Variants in FREM1 observed in about 807,000 individuals in gnomAD.
FREM1 encodes the protein FRAS1-related extracellular matrix protein 1.
In FREM1, 220 loss-of-function variants were observed where a neutral mutation model predicts 210.1. The observed-to-expected ratio is 1.05, with a 90% CI of 0.94 to 1.17. The LOEUF is 1.17. Ranked by LOEUF, FREM1 falls within the 50% of genes most tolerant of loss-of-function variation. The pLI is 0.00. For missense variants in FREM1, 3,454 were observed against 2,675.5 expected, an observed-to-expected ratio of 1.29 and a Z score of -6.42; for synonymous variants, 1,189 against 980.2, an observed-to-expected ratio of 1.21 and a Z score of -3.98.
At chr9:14,842,107 G>A (rs1401795096) in intron 9 of FREM1, among the ~76,000 whole-genome samples, 1 of 152,126 alleles carries the variant, frequency 6.6e-6, no homozygotes, top group Non-Finnish European at 1.5e-5. Flanking sequence ...ATCTGTAGAT[G>A]CACAACCTTG....
chr9:14,808,008 G>A lies in FREM1; in HGVS notation c.3020C>T (p.Ser1007Phe). The change falls in exon 17 of 37, where the codon TCC becomes TTC. Residue 1007 changes from serine (S) to phenylalanine (F), a missense_variant. By Grantham distance (155) the Ser-to-Phe change is radical. Coordinates refer to ENST00000380880, the MANE Select transcript of FREM1 (RefSeq NM_001379081.2). The part of the protein sequence containing the change: ...GPNPSVPLHA[S>F]FPVYDLNITV... ...GATGTTGAGATCATACACTGGAAAG[G>A]ACGCATGAAGTGGAACAGATGGATT... 1 of 1,613,814 alleles carries A rather than the reference G, an allele frequency of 6.2e-7. No individual in the cohort carries two copies. Among genetic ancestry groups the A allele is most frequent in the Non-Finnish European group, 8.5e-7 (1 of 1,179,752 alleles).
intron 3 of FREM1, among the ~76,000 whole-genome samples, chr9:14,860,928 C>CGT (rs1830103159): frequency 9.2e-6 from 1 of 108,826 alleles, no homozygotes; most frequent in African/African-American, 4.5e-5. Context: ...CACATATATA[C>CGT]ACATATACAC....
chr9:14,764,618 G>A (rs1352488531), intron 27 of FREM1, among the ~76,000 whole-genome samples: 1 of 152,154 alleles, frequency 6.6e-6, no homozygotes, highest in Non-Finnish European at 1.5e-5. Context: ...TGCCACAACT[G>A]GGAAGAGGAT....
chr9:14,878,223 T>C (rs968552811), intron 1 of FREM1, among the ~76,000 whole-genome samples: 2 of 152,094 alleles, frequency 1.3e-5, no homozygotes, highest in African/African-American at 4.8e-5. Context: ...TGTTTCCCTC[T>C]TCTCTCTCTC....
chr9:14,752,843 T>C (rs1843629727), intron 29 of FREM1, among the ~76,000 whole-genome samples: 1 of 151,718 alleles, frequency 6.6e-6, no homozygotes, highest in African/African-American at 2.4e-5. Context: ...AAAATTATAG[T>C]ACCCCCCAAA....
At chr9:14,851,258 C>CTT in intron 6 of FREM1, 26 bp downstream of exon 6, 1 of 1,528,162 alleles carries the variant, frequency 6.5e-7, no homozygotes, top group East Asian at 2.3e-5. Context: ...TCTAACTAGG[C>CTT]TGGAAGCTTT....
Position 14,841,600 on chromosome 9 carries a change from C to T in FREM1, c.1739-11G>A, listed in dbSNP as rs770281487. ...CATGGACAGGATAGCCTATTGGGTC[C>T]ATAAAACACCACATACTTTTGTACA... On this transcript the variant is annotated splice_polypyrimidine_tract_variant and intron_variant, in intron 9 of 36. Transcript: ENST00000380880. 1.3e-6 allele frequency: 2 copies of T among 1,562,464 alleles called. No homozygotes were observed. Among genetic ancestry groups the T allele is most frequent in the East Asian group, 4.5e-5 (2 of 44,006 alleles).
chr9:14,852,242 A>G (rs969371866), intron 5 of FREM1, among the ~76,000 whole-genome samples: 12 of 152,216 alleles, frequency 7.9e-5, no homozygotes, highest in Admixed American at 7.2e-4. Context: ...CTGGATCTTC[A>G]AGCAAGGGTT....
intron 1 of FREM1, among the ~76,000 whole-genome samples, chr9:14,906,526 G>A (rs1370659147): frequency 6.6e-6 from 1 of 152,182 alleles, no homozygotes; most frequent in African/African-American, 2.4e-5. Context: ...TCTGTACTAT[G>A]AAAGAGATTT....
intron 2 of FREM1, among the ~76,000 whole-genome samples, chr9:14,865,661 C>CTG (rs56960871): frequency 0.18 from 25,714 of 144,404 alleles, 2,382 homozygotes; most frequent in Non-Finnish European, 0.22. Context: ...AATGTTTAGG[C>CTG]TGTGTGTGTG....
At chr9:14,908,393 G>T (rs915259659) in intron 1 of FREM1, among the ~76,000 whole-genome samples, 10 of 152,138 alleles carry the variant, frequency 6.6e-5, no homozygotes, top group African/African-American at 2.4e-4. Flanking sequence ...AACAGTCCTG[G>T]GTTTAAAGTT....
At chr9:14,784,099 C>T (rs1290494642) in intron 24 of FREM1, among the ~76,000 whole-genome samples, 1 of 152,150 alleles carries the variant, frequency 6.6e-6, no homozygotes, top group Admixed American at 6.5e-5. Flanking sequence ...TTGCTTCTGT[C>T]ATTTTAATCG....
Position 14,824,071 on chromosome 9 carries a change from T to C in FREM1, c.2123A>G (p.Lys708Arg), listed in dbSNP as rs1272151035. ...CAGGGCCGTAGGATTCTTAACTACTTTTGGTATGCTGTCCACCATAAATAA... is the reference window on the plus strand; with the variant it reads ...CAGGGCCGTAGGATTCTTAACTACTCTTGGTATGCTGTCCACCATAAATAA... ...GKLFMVDSIP[K>R]VVKNPTALEL... is the part of the protein sequence containing the mutation. Residue 708 changes from lysine to arginine, a missense_variant, in exon 12 of 37, where the codon AAA (lysine) becomes AGA (arginine). Transcript: ENST00000380880. The C allele has an allele frequency of 6.3e-7, 1 of 1,592,076 alleles. No homozygotes were observed. Among genetic ancestry groups the C allele is most frequent in the Non-Finnish European group, 8.6e-7 (1 of 1,168,062 alleles).
chr9:14,859,256 G>A lies in FREM1; in HGVS notation c.558C>T (p.Gly186=). 6.2e-7 allele frequency: 1 copy of A among 1,613,630 alleles called. No individual in the cohort carries two copies. ...GTCGAGGCTCCCCGAGAACCATCTG[G>A]CCATGGGCTGGCAGCCGAGTTCTCG... ...DTARTRLPAH[G]QMVLGEPRPE... is the part of the protein sequence containing the mutation. Residue 186 remains glycine (G), a synonymous_variant, in exon 4 of 37, where the codon GGC becomes GGT. Transcript: ENST00000380880.
intron 13 of FREM1, among the ~76,000 whole-genome samples, chr9:14,819,827 A>C (rs1820965812): frequency 6.6e-6 from 1 of 152,216 alleles, no homozygotes; most frequent in Non-Finnish European, 1.5e-5. Flanking sequence ...TCTAAAAAAT[A>C]CACAAAATCT....
Position 14,808,013 on chromosome 9 carries a change from A to G in FREM1, c.3015T>C (p.His1005=), listed in dbSNP as rs753517372. Reference sequence around the variant, plus strand: ...TGAGATCATACACTGGAAAGGACGCATGAAGTGGAACAGATGGATTGGGTC... The same window carrying G: ...TGAGATCATACACTGGAAAGGACGCGTGAAGTGGAACAGATGGATTGGGTC... ...YNGPNPSVPL[H]ASFPVYDLNI... The change falls in exon 17 of 37, where the codon CAT becomes CAC. Residue 1005 remains histidine (H), a synonymous_variant. Coordinates refer to ENST00000380880, the MANE Select transcript of FREM1 (RefSeq NM_001379081.2). The G allele has an allele frequency of 1.2e-6, 2 of 1,613,924 alleles. No homozygotes were observed. The highest frequency in any genetic ancestry group is 1.7e-6 in the Non-Finnish European group (2 of 1,179,808).
chr9:14,739,384 G>A lies in FREM1; in HGVS notation c.6340+765C>T, dbSNP rs141165111. On this transcript the variant is annotated intron_variant, in intron 36 of 36. Coordinates refer to ENST00000380880, the MANE Select transcript of FREM1 (RefSeq NM_001379081.2). Reference sequence around the variant, plus strand: ...CTCTCAAAGTCCTAGGATTACAGGCGTGAGCCACCATACCCAGCCTACCTA... The same window carrying A: ...CTCTCAAAGTCCTAGGATTACAGGCATGAGCCACCATACCCAGCCTACCTA... Among the ~76,000 whole-genome samples, 124 of 150,332 alleles carry A rather than the reference G, an allele frequency of 8.2e-4. 1 individual carries two copies. Among genetic ancestry groups the A allele is most frequent in the African/African-American group, 2.9e-3 (118 of 40,966 alleles).
At chr9:14,907,144 A>T (rs1306126195) in intron 1 of FREM1, among the ~76,000 whole-genome samples, 1 of 152,212 alleles carries the variant, frequency 6.6e-6, no homozygotes, top group Non-Finnish European at 1.5e-5. Flanking sequence ...ACTTAGCAAG[A>T]TCCCTGTCCT....
At chr9:14,883,747 C>T (rs988450340) in intron 1 of FREM1, among the ~76,000 whole-genome samples, 1 of 152,210 alleles carries the variant, frequency 6.6e-6, no homozygotes, top group Non-Finnish European at 1.5e-5. Context: ...AAGCCTAGCA[C>T]ATCTTGAGAA....
Sources: allele counts gnomAD v4.1 joint callset (sites outside exome capture counted in the v4.1 genomes callset), GRCh38; gene constraint gnomAD v4.1.1; transcripts MANE v1.5; gene names NCBI Gene and HGNC (gene_info 2026-07-23, HGNC 2026-07-21).